The following SAMSN1 variants were observed in gnomAD, a reference collection of about 807,000 sequenced individuals.
The protein encoded by SAMSN1 is SAM domain, SH3 domain and nuclear localization signals 1, also known as SAM domain-containing protein SAMSN-1.
In SAMSN1, 31 loss-of-function variants were observed where a neutral mutation model predicts 42.0. That is an observed-to-expected ratio of 0.74 (90% CI 0.55 to 1.00). The LOEUF is 1.00. Ranked by LOEUF, SAMSN1 falls within the 50% of genes least tolerant of loss-of-function variation. The probability of loss-of-function intolerance (pLI) is 0.00; values close to 1 mark genes in which losing one functional copy is unlikely to be tolerated. For synonymous variants in SAMSN1, 178 were observed against 151.9 expected, an observed-to-expected ratio of 1.17 and a Z score of -1.26; for missense variants, 464 against 439.4, an observed-to-expected ratio of 1.06 and a Z score of -0.50.
Position 14,485,881 on chromosome 21 carries a change from C to T in SAMSN1, c.*31G>A. Reference sequence around the variant, plus strand: ...GCTCAAGAAGAGTTAAAATGGAATGCATCTGTAGATATATAGTTGGGAATG... The same window carrying T: ...GCTCAAGAAGAGTTAAAATGGAATGTATCTGTAGATATATAGTTGGGAATG... On this transcript the variant is annotated 3_prime_UTR_variant, in exon 8 of 8. Transcript: ENST00000400566. 1.3e-6 allele frequency: 2 copies of T among 1,533,026 alleles called. No homozygotes were observed. The highest frequency in any genetic ancestry group is 2.2e-5 in the South Asian group (2 of 89,352). The allele number at this position is 1,533,026 out of a possible 1,614,324, so 95.0% of individuals were successfully genotyped here.
intron 1 of SAMSN1, among the ~76,000 whole-genome samples, chr21:14,530,235 T>C (rs1488513520): frequency 7.0e-6 from 1 of 143,476 alleles, no homozygotes; most frequent in Admixed American, 7.6e-5. Context: ...GAGAATGGCG[T>C]GAACCTGGGA....
At chr21:14,606,750 A>G (rs938254662) in intron 5 of SAMSN1, among the ~76,000 whole-genome samples, 1 of 152,210 alleles carries the variant, frequency 6.6e-6, no homozygotes, top group Non-Finnish European at 1.5e-5. Context: ...ATGTAGGCTT[A>G]GATAAAAATC....
chr21:14,508,766 G>A (rs1987541417), intron 5 of SAMSN1, among the ~76,000 whole-genome samples: 1 of 152,184 alleles, frequency 6.6e-6, no homozygotes, highest in Admixed American at 6.5e-5. Flanking sequence ...CACGTTTGTG[G>A]CAGCATGATT....
At position 14,486,054 on chromosome 21, in the gene SAMSN1, T is replaced by C. The variant is rs1160330994; in HGVS notation, c.980A>G (p.Asn327Ser). ...PLSLSSDISLNKSQLDDCPRD... is the reference protein window; with the variant it reads ...PLSLSSDISLSKSQLDDCPRD... ...TGGGCAGTCATCTAACTGTGACTTATTTAAGGAGATGTCTGAGCTCAAGGA... is the reference window on the plus strand; with the variant it reads ...TGGGCAGTCATCTAACTGTGACTTACTTAAGGAGATGTCTGAGCTCAAGGA... Residue 327 changes from asparagine to serine, a missense_variant, in exon 8 of 8, where the codon AAT (asparagine) becomes AGT (serine). By Grantham distance (46) the Asn-to-Ser change is conservative. Coordinates refer to ENST00000400566, the MANE Select transcript of SAMSN1 (RefSeq NM_022136.5). The C allele has an allele frequency of 2.5e-6, 4 of 1,613,614 alleles. No individual in the cohort carries two copies. Among genetic ancestry groups the C allele is most frequent in the African/African-American group, 1.3e-5 (1 of 74,898 alleles).
At chr21:14,615,006 G>A (rs1439720993) in intron 3 of SAMSN1, among the ~76,000 whole-genome samples, 1 of 152,174 alleles carries the variant, frequency 6.6e-6, no homozygotes, top group Non-Finnish European at 1.5e-5. Context: ...TTCTGCGGAA[G>A]CATCAATCAT....
At chr21:14,600,100 C>A (rs780922895) in intron 6 of SAMSN1, among the ~76,000 whole-genome samples, 4 of 152,092 alleles carry the variant, frequency 2.6e-5, no homozygotes, top group Non-Finnish European at 5.9e-5. Flanking sequence ...TTCTCAGATA[C>A]ACTTGGAAAA....
chr21:14,635,097 CA>C (rs1490342564), intron 2 of SAMSN1, among the ~76,000 whole-genome samples: 1 of 152,172 alleles, frequency 6.6e-6, no homozygotes, highest in Non-Finnish European at 1.5e-5. Flanking sequence ...GACCAAACAT[CA>C]CATGTTCTCA....
chr21:14,653,627 A>G (rs1470076711), intron 1 of SAMSN1, among the ~76,000 whole-genome samples: 1 of 152,022 alleles, frequency 6.6e-6, no homozygotes, highest in Non-Finnish European at 1.5e-5. Context: ...TTAATCGTAC[A>G]TTTTAAAATA....
At chr21:14,606,296 A>C (rs1377336489) in intron 5 of SAMSN1, among the ~76,000 whole-genome samples, 1 of 152,142 alleles carries the variant, frequency 6.6e-6, no homozygotes, top group Non-Finnish European at 1.5e-5. Context: ...AGTCTGTCAC[A>C]GTTACACTGA....
At chr21:14,584,993 C>G (rs1033334051), upstream of SAMSN1, among the ~76,000 whole-genome samples, 1 of 151,228 alleles carries the variant, frequency 6.6e-6, no homozygotes, top group Non-Finnish European at 1.5e-5. Flanking sequence ...CAAAATAGCA[C>G]TTACGTAGGA....
At chr21:14,562,400 G>A (rs534120915) in intron 2 of SAMSN1, among the ~76,000 whole-genome samples, 10 of 152,108 alleles carry the variant, frequency 6.6e-5, no homozygotes, top group African/African-American at 2.4e-4. Flanking sequence ...TTATATTAGA[G>A]CTCTCCTGTC....
rs1686365390 is a variant in SAMSN1, at chr21:14,640,427, A to G, written c.156+2575T>C. On this transcript the variant is annotated intron_variant, in intron 2 of 15. Coordinates refer to the SAMSN1 transcript ENST00000647101. ...ACTCCATTAGCTTTCAGAGTATTTC[A>G]GGGTGATTTCAGAGTATTTCTGAGG... is the stretch of plus-strand genomic sequence containing the variant. Among the ~76,000 whole-genome samples the G allele has an allele frequency of 2.0e-5, 3 of 152,274 alleles. No homozygotes were observed. The South Asian group carries it at 6.2e-4, about 32-fold the overall frequency.
intron 5 of SAMSN1, among the ~76,000 whole-genome samples, chr21:14,608,126 G>A (rs1474001583): frequency 1.3e-5 from 2 of 152,168 alleles, no homozygotes; most frequent in East Asian, 1.9e-4. Flanking sequence ...TCACACAAGA[G>A]AGCACCTCCA....
At chr21:14,493,337 T>C (rs1430139889) in intron 7 of SAMSN1, among the ~76,000 whole-genome samples, 2 of 152,184 alleles carry the variant, frequency 1.3e-5, no homozygotes, top group African/African-American at 4.8e-5. Flanking sequence ...AATTTAATTA[T>C]CCCTGTAATC....
At chr21:14,554,872 A>G (rs1021390631) in intron 2 of SAMSN1, among the ~76,000 whole-genome samples, 3 of 151,572 alleles carry the variant, frequency 2.0e-5, no homozygotes, top group Admixed American at 6.6e-5. Flanking sequence ...TTTATTTTCT[A>G]TTTCTTGTAG....
At chr21:14,630,950 T>C (rs1346252347) in intron 2 of SAMSN1, among the ~76,000 whole-genome samples, 5 of 152,230 alleles carry the variant, frequency 3.3e-5, no homozygotes, top group African/African-American at 1.2e-4. Flanking sequence ...GAATACCAAC[T>C]TGGGAGTCAC....
At chr21:14,589,188 G>A (rs2822802) in intron 7 of SAMSN1, among the ~76,000 whole-genome samples, 28,550 of 151,924 alleles carry the variant, frequency 0.19, 2,788 homozygotes, top group Middle Eastern at 0.23. Flanking sequence ...TTAGTCCTAC[G>A]ATCATATTTT....
At chr21:14,549,423 T>C (rs1980527729), upstream of SAMSN1, among the ~76,000 whole-genome samples, 1 of 152,144 alleles carries the variant, frequency 6.6e-6, no homozygotes, top group Non-Finnish European at 1.5e-5. Context: ...TGAAAGTAGA[T>C]TCTCTGCATT....
intron 2 of SAMSN1, among the ~76,000 whole-genome samples, chr21:14,637,851 G>A (rs1983503775): frequency 6.6e-6 from 1 of 152,186 alleles, no homozygotes; most frequent in Admixed American, 6.5e-5. Flanking sequence ...ATTCTCTAGA[G>A]ACAAAAGATA....
Sources: allele counts gnomAD v4.1 joint callset (sites outside exome capture counted in the v4.1 genomes callset), GRCh38; gene constraint gnomAD v4.1.1; transcripts MANE v1.5; gene names NCBI Gene and HGNC (gene_info 2026-07-23, HGNC 2026-07-21).